Variants in CTNND2 observed in about 807,000 individuals in gnomAD.
CTNND2 encodes catenin delta-2.
A neutral mutation model predicts 144.4 loss-of-function variants in CTNND2; 22 were observed. That is an observed-to-expected ratio of 0.15 (90% CI 0.11 to 0.22). The LOEUF (loss-of-function observed/expected upper bound fraction) is 0.22. CTNND2 is among the 10% of genes least tolerant of loss of function. The probability of loss-of-function intolerance (pLI) is 1.00; values close to 1 mark genes in which losing one functional copy is unlikely to be tolerated. For synonymous variants in CTNND2, 751 were observed against 695.6 expected, an observed-to-expected ratio of 1.08 and a Z score of -1.25; for missense variants, 1,353 against 1,618.8, an observed-to-expected ratio of 0.84 and a Z score of 2.82.
At chr5:11,520,498 TAA>T (rs1467615489) in intron 3 of CTNND2, among the ~76,000 whole-genome samples, 1 of 152,252 alleles carries the variant, frequency 6.6e-6, no homozygotes, top group East Asian at 1.9e-4. Context: ...GTACCAGGCC[TAA>T]AGTGACTGCG....
chr5:11,305,923 G>T (rs1180398521), intron 9 of CTNND2, among the ~76,000 whole-genome samples: 2 of 152,182 alleles, frequency 1.3e-5, no homozygotes, highest in South Asian at 2.1e-4. Flanking sequence ...CCCATTAAAA[G>T]GTATTGCACG....
At chr5:11,651,063 A>C (rs1160973308) in intron 2 of CTNND2, among the ~76,000 whole-genome samples, 1 of 152,210 alleles carries the variant, frequency 6.6e-6, no homozygotes, top group African/African-American at 2.4e-5. Flanking sequence ...CCTTGAAGGC[A>C]TTTCACAGAA....
In CTNND2 at chr5:11,592,161, TGCC is replaced by T. The variant is rs1561599811; in HGVS notation, c.175-27108_175-27106del. Reference sequence around the variant, plus strand: ...CTTCCTGCCTTCCTGCCTTCCTGCCTGCCTGCCTTCCTGCCTGCCTGCCTTCCT... The same window carrying T: ...CTTCCTGCCTTCCTGCCTTCCTGCCTTGCCTTCCTGCCTGCCTGCCTTCCT... On this transcript the variant is annotated intron_variant, in intron 2 of 21. Coordinates refer to ENST00000304623, the MANE Select transcript of CTNND2 (RefSeq NM_001332.4). 1.7e-3 allele frequency among the ~76,000 whole-genome samples: 232 copies of T among 134,746 alleles called. 3 individuals carry two copies. The highest frequency in any genetic ancestry group is 4.7e-3 in the African/African-American group (177 of 37,992). The allele number at this position is 134,746 out of a possible 152,430, so 88.4% of individuals were successfully genotyped here. A position where few individuals can be genotyped will look rare whatever the true frequency, so the allele number is the denominator to read the frequency against.
At chr5:11,494,930 CATTA>C (rs1304510950) in intron 3 of CTNND2, among the ~76,000 whole-genome samples, 2 of 152,186 alleles carry the variant, frequency 1.3e-5, no homozygotes, top group African/African-American at 4.8e-5. Context: ...TTCATTTCAT[CATTA>C]ATTATTTCTC....
At chr5:11,209,331 T>C (rs1433701462) in intron 10 of CTNND2, among the ~76,000 whole-genome samples, 1 of 152,200 alleles carries the variant, frequency 6.6e-6, no homozygotes, top group Admixed American at 6.5e-5. Flanking sequence ...TAAAACGTTG[T>C]GATACTGATG....
At chr5:11,024,199 G>T (rs1433269497) in intron 16 of CTNND2, among the ~76,000 whole-genome samples, 1 of 152,160 alleles carries the variant, frequency 6.6e-6, no homozygotes, top group Non-Finnish European at 1.5e-5. Flanking sequence ...TAAAACACAG[G>T]CCCTTGTAAT....
intron 9 of CTNND2, among the ~76,000 whole-genome samples, chr5:11,267,325 G>T (rs537707962): frequency 2.0e-5 from 3 of 152,276 alleles, no homozygotes; most frequent in African/African-American, 7.2e-5. Context: ...ATTGGGCTAC[G>T]TGGTGATGGG....
intron 16 of CTNND2, among the ~76,000 whole-genome samples, chr5:11,045,720 C>A (rs796217484): frequency 6.6e-6 from 1 of 152,140 alleles, no homozygotes; most frequent in African/African-American, 2.4e-5. Context: ...TCTCAAGACC[C>A]TTAACTTAAT....
At chr5:11,596,222 C>G (rs577678612) in intron 2 of CTNND2, among the ~76,000 whole-genome samples, 1 of 152,180 alleles carries the variant, frequency 6.6e-6, no homozygotes, top group Non-Finnish European at 1.5e-5. Flanking sequence ...TGTTTGACTA[C>G]TAAGAATACT....
chr5:11,581,858 G>T (rs1329836466), intron 2 of CTNND2, among the ~76,000 whole-genome samples: 1 of 152,194 alleles, frequency 6.6e-6, no homozygotes, highest in Non-Finnish European at 1.5e-5. Flanking sequence ...AGTGGGGCAT[G>T]GGAAGGGGAA....
chr5:11,564,987 G>C lies in CTNND2; in HGVS notation c.244C>G (p.Arg82Gly), dbSNP rs1285911975. Reference sequence around the variant, plus strand: ...CCAGTCTCGGATCCGAGCTTGCATCGCTCCAGCTGGCTGGCTACGATCTGC... The same window carrying C: ...CCAGTCTCGGATCCGAGCTTGCATCCCTCCAGCTGGCTGGCTACGATCTGC... ...ERQIVASQLERCKLGSETGSM... is the reference protein window; with the variant it reads ...ERQIVASQLEGCKLGSETGSM... The change falls in exon 3 of 22, where the codon CGA becomes GGA. Residue 82 changes from arginine to glycine, a missense_variant. Coordinates refer to ENST00000304623, the MANE Select transcript of CTNND2 (RefSeq NM_001332.4). The C allele has an allele frequency of 6.2e-7, 1 of 1,613,984 alleles. No homozygotes were observed. Among genetic ancestry groups the C allele is most frequent in the Non-Finnish European group, 8.5e-7 (1 of 1,179,944 alleles).
At chr5:11,630,463 C>T (rs941654425) in intron 2 of CTNND2, among the ~76,000 whole-genome samples, 20 of 152,106 alleles carry the variant, frequency 1.3e-4, no homozygotes, top group Admixed American at 6.6e-4. Context: ...TGGTATCTTT[C>T]GACTTTTGGC....
intron 9 of CTNND2, among the ~76,000 whole-genome samples, chr5:11,326,328 ATGTAG>A (rs1752514102): frequency 6.6e-6 from 1 of 152,136 alleles, no homozygotes; most frequent in South Asian, 2.1e-4. Context: ...CCATAGTAAT[ATGTAG>A]TGAGGTTCCT....
intron 2 of CTNND2, among the ~76,000 whole-genome samples, chr5:11,574,582 C>G (rs1224696066): frequency 1.3e-5 from 2 of 152,130 alleles, no homozygotes; most frequent in Non-Finnish European, 2.9e-5. Context: ...TTTTCCTCGC[C>G]TGCCTGGAAA....
intron 3 of CTNND2, among the ~76,000 whole-genome samples, chr5:11,446,743 G>C (rs1764837839): frequency 6.6e-6 from 1 of 152,092 alleles, no homozygotes; most frequent in Admixed American, 6.5e-5. Flanking sequence ...AGATGCACCT[G>C]GGCCGGCCCC....
intron 2 of CTNND2, among the ~76,000 whole-genome samples, chr5:11,704,742 T>C (rs1447394689): frequency 2.0e-5 from 3 of 151,772 alleles, no homozygotes; most frequent in East Asian, 2.0e-4. Context: ...AACTATGATA[T>C]AGCTGTCACA....
rs1424377884 is a variant in CTNND2 at position 11,152,454 on chromosome 5, C to A, written c.2159+7122G>T. Among the ~76,000 whole-genome samples, 6 of 152,182 alleles carry A rather than the reference C, an allele frequency of 3.9e-5. No homozygotes were observed. In the East Asian group the frequency reaches 1.2e-3, roughly 29 times the overall value. ...CATACAGCCTAGGCTGTGTCATAAG[C>A]TATAACGTCTAGGTTTGTGTAAGTG... On this transcript the variant is annotated intron_variant, in intron 12 of 21. Coordinates refer to ENST00000304623, the MANE Select transcript of CTNND2 (RefSeq NM_001332.4).
chr5:11,437,670 G>A (rs1250762983), intron 3 of CTNND2, among the ~76,000 whole-genome samples: 1 of 152,218 alleles, frequency 6.6e-6, no homozygotes, highest in African/African-American at 2.4e-5. Flanking sequence ...GTTTGGGACA[G>A]AGACAATATT....
intron 1 of CTNND2, among the ~76,000 whole-genome samples, chr5:11,798,651 C>T (rs770234247): frequency 3.3e-5 from 5 of 152,024 alleles, no homozygotes; most frequent in Non-Finnish European, 5.9e-5. Context: ...CCTGTAATGG[C>T]AGCTACTCGG....
Sources: gnomAD v4.1 joint callset for allele counts (sites outside exome capture counted in the v4.1 genomes callset) on GRCh38, gnomAD v4.1.1 for gene constraint, MANE v1.5 for transcripts, NCBI Gene and HGNC (gene_info 2026-07-23, HGNC 2026-07-21) for gene names.